The following PCDHGA8 variants were observed in gnomAD, a reference collection of about 807,000 sequenced individuals.
The protein encoded by PCDHGA8 is protocadherin gamma-A8.
In PCDHGA8, 45 loss-of-function variants were observed where a neutral mutation model predicts 59.2. The ratio of observed to expected loss-of-function variants is 0.76; its 90% CI spans 0.60 to 0.98. The LOEUF is 0.98. Ranked by LOEUF, PCDHGA8 falls within the 50% of genes least tolerant of loss-of-function variation. The pLI, the probability that PCDHGA8 is intolerant of heterozygous loss-of-function variation, is 0.00. For missense variants in PCDHGA8, 1,257 were observed against 1,196.2 expected (o/e 1.05, Z -0.75); for synonymous variants, 531 against 519.0 (o/e 1.02, Z -0.32).
At chr5:141,422,782 C>CG in intron 1 of PCDHGA8, 1 of 1,614,090 alleles carries the variant, frequency 6.2e-7, no homozygotes, top group South Asian at 1.1e-5. Context: ...CTATGCCCTA[C>CG]AATCCTTCGA....
chr5:141,395,233 G>T lies in PCDHGA8; in HGVS notation c.2420G>T (p.Gly807Val). The change falls in exon 1 of 4, where the codon GGT (glycine) becomes GTT (valine). Residue 807 changes from glycine to valine, a missense_variant. By Grantham distance (109) the Gly-to-Val change is moderately radical. Coordinates refer to ENST00000398604, the MANE Select transcript of PCDHGA8 (RefSeq NM_032088.2). The stretch of plus-strand genomic sequence containing the variant: ...GAATATAAGAATGAAGCTGATCATG[G>T]TCAGGTGAGTTTAGTTCTTTGCTTG... Reference protein sequence around the residue: ...FHEYKNEADHGQQAPPNTDWR... With the variant: ...FHEYKNEADHVQQAPPNTDWR... The T allele has an allele frequency of 6.2e-7, 1 of 1,602,052 alleles. No homozygotes were observed. Among genetic ancestry groups the T allele is most frequent in the Non-Finnish European group, 8.5e-7 (1 of 1,172,992 alleles).
chr5:141,438,627 T>C (rs55817844), intron 1 of PCDHGA8, among the ~76,000 whole-genome samples: 510 of 47,978 alleles, frequency 0.011, 3 homozygotes, highest in Admixed American at 0.017. Context: ...TATATATATA[T>C]ATATATATAC....
chr5:141,431,020 G>A lies in PCDHGA8; in HGVS notation c.2424+35783G>A, dbSNP rs941765907. On this transcript the variant is annotated intron_variant, in intron 1 of 3. Transcript: ENST00000398604. This position sits in a 1 kb window ranked among gnomAD's most constrained non-coding sequence, Gnocchi z 4.8. ...CGCGCAGCGGCAGCTTGGTCACGGC[G>A]GGCAGGATAGACCGGGAGGAGCTCT... The A allele has an allele frequency of 9.9e-6, 16 of 1,614,050 alleles. No homozygotes were observed. Among genetic ancestry groups the A allele is most frequent in the East Asian group, 4.5e-5 (2 of 44,886 alleles).
intron 1 of PCDHGA8, chr5:141,421,959 A>T: frequency 6.2e-7 from 1 of 1,612,798 alleles, no homozygotes; most frequent in Non-Finnish European, 8.5e-7. Flanking sequence ...CAATGTTTAC[A>T]CAGTCCGTAT....
intron 1 of PCDHGA8, chr5:141,410,295 T>G (rs1043971768): frequency 9.3e-6 from 15 of 1,613,864 alleles, no homozygotes; most frequent in Non-Finnish European, 1.3e-5. Context: ...GCCTTGGCCT[T>G]AATCTCAGTG....
chr5:141,470,972 C>T (rs1186771156), intron 1 of PCDHGA8, among the ~76,000 whole-genome samples: 3 of 151,988 alleles, frequency 2.0e-5, no homozygotes, highest in Non-Finnish European at 4.4e-5. Flanking sequence ...CCACCTCAGC[C>T]TCCCAAAGTG....
At chr5:141,414,102 A>G in intron 1 of PCDHGA8, 1 of 1,593,854 alleles carries the variant, frequency 6.3e-7, no homozygotes, top group Non-Finnish European at 8.5e-7. Context: ...AAATATCAGA[A>G]AATCTAGATT....
chr5:141,438,054 T>C (rs1451843979), intron 1 of PCDHGA8, among the ~76,000 whole-genome samples: 2 of 152,182 alleles, frequency 1.3e-5, no homozygotes, highest in African/African-American at 4.8e-5. Flanking sequence ...TTGAGTTCAC[T>C]TTTAAGAAAC....
rs1423149 is a variant in PCDHGA8, at chr5:141,487,780, C to G, written c.2425-7027C>G. ...TAGACGCTGTGCTTTGTAACTGTTTCGTGAATTAACCAGAGTTGTCACAGT... is the reference window on the plus strand; with the variant it reads ...TAGACGCTGTGCTTTGTAACTGTTTGGTGAATTAACCAGAGTTGTCACAGT... On this transcript the variant is annotated intron_variant, in intron 1 of 3. Transcript: ENST00000398604. This position sits in a 1 kb window ranked among gnomAD's most constrained non-coding sequence, Gnocchi z 5.0. 6.6e-7 allele frequency: 1 copy of G among 1,526,704 alleles called. No individual in the cohort carries two copies. The allele number at this position is 1,526,704 out of a possible 1,614,324, so 94.6% of individuals were successfully genotyped here. A position where few individuals can be genotyped will look rare whatever the true frequency, so the allele number is the denominator to read the frequency against.
In PCDHGA8 at chr5:141,511,330, T is replaced by C; in HGVS notation, c.*157T>C. 1 of 1,455,994 alleles carries C rather than the reference T, an allele frequency of 6.9e-7. No homozygotes were observed. The highest frequency in any genetic ancestry group is 9.1e-7 in the Non-Finnish European group (1 of 1,093,254). 90.2% of individuals were successfully genotyped at this position (1,455,994 alleles called of 1,614,324 possible). ...TTGGGAAACAGAAACAAGTGCCCAG[T>C]CAGCACCTACCCCTTCCCCCCCAGG... On this transcript the variant is annotated 3_prime_UTR_variant, in exon 4 of 4. Coordinates refer to ENST00000398604, the MANE Select transcript of PCDHGA8 (RefSeq NM_032088.2).
chr5:141,395,169 G>A lies in PCDHGA8; in HGVS notation c.2356G>A (p.Glu786Lys). Residue 786 changes from glutamate (E) to lysine (K), a missense_variant, in exon 1 of 4, where the codon GAG (glutamate) becomes AAG (lysine). Coordinates refer to ENST00000398604, the MANE Select transcript of PCDHGA8 (RefSeq NM_032088.2). ...CATGCTCATCAGTCAGGAGGGCTGT[G>A]AGAAAAATGATTCTTTGTTAACATC... ...ADMLISQEGC[E>K]KNDSLLTSVD... The A allele has an allele frequency of 1.9e-6, 3 of 1,614,020 alleles. No homozygotes were observed. Among genetic ancestry groups the A allele is most frequent in the Non-Finnish European group, 2.5e-6 (3 of 1,179,964 alleles).
In PCDHGA8 at chr5:141,486,671, C is replaced by A. The variant is rs1307620045; in HGVS notation, c.2425-8136C>A. On this transcript the variant is annotated intron_variant, in intron 1 of 3. Coordinates refer to ENST00000398604, the MANE Select transcript of PCDHGA8 (RefSeq NM_032088.2). The surrounding 1 kb of genome is among the most constrained non-coding windows in gnomAD (Gnocchi z 5.0). The stretch of plus-strand genomic sequence containing the variant: ...CTACTCACTCCTGGAGCCCAGGAAT[C>A]GAGATGTATCAGCTTCCTCTTTCAT... 1.9e-6 allele frequency: 3 copies of A among 1,614,044 alleles called. No individual in the cohort carries two copies. The highest frequency in any genetic ancestry group is 2.5e-6 in the Non-Finnish European group (3 of 1,180,014).
At chr5:141,503,555 C>T (rs1010409481) in intron 2 of PCDHGA8, among the ~76,000 whole-genome samples, 2 of 148,816 alleles carry the variant, frequency 1.3e-5, no homozygotes, top group African/African-American at 5.0e-5. Context: ...GCCGAGATCG[C>T]GCCACTGTAC....
rs201378410 is a variant in PCDHGA8, at chr5:141,414,802, G to T, written c.2424+19565G>T. Reference sequence around the variant, plus strand: ...GCAGGTGACAGCCAGCGACAGCGGGGATCCTCCACTCAGCAGCAACGTGTC... The same window carrying T: ...GCAGGTGACAGCCAGCGACAGCGGGTATCCTCCACTCAGCAGCAACGTGTC... On this transcript the variant is annotated intron_variant, in intron 1 of 3. Coordinates refer to ENST00000398604, the MANE Select transcript of PCDHGA8 (RefSeq NM_032088.2). The T allele has an allele frequency of 4.3e-6, 7 of 1,614,226 alleles. No homozygotes were observed. The African/African-American group carries it at 8.0e-5, about 18-fold the overall frequency.
chr5:141,499,233 C>A (rs1047984757), intron 2 of PCDHGA8, among the ~76,000 whole-genome samples: 2 of 152,116 alleles, frequency 1.3e-5, no homozygotes, highest in Non-Finnish European at 2.9e-5. Context: ...CAGCTGTCCC[C>A]AGCCTCTGCA....
rs115565444 is a variant in PCDHGA8, at chr5:141,487,520, G to A, written c.2425-7287G>A. On this transcript the variant is annotated intron_variant, in intron 1 of 3. Transcript: ENST00000398604. This position sits in a 1 kb window ranked among gnomAD's most constrained non-coding sequence, Gnocchi z 5.0. ...CTTGGCTTCTGCACCCACTCGGAGT[G>A]ATAGCTTCATGATGGTGAAGTCACC... is the stretch of plus-strand genomic sequence containing the variant. The A allele has an allele frequency of 3.3e-4, 540 of 1,614,166 alleles. 6 individuals carry two copies. The East Asian group carries it at 8.7e-3, about 26-fold the overall frequency.
chr5:141,487,067 G>C lies in PCDHGA8; in HGVS notation c.2425-7740G>C, dbSNP rs765539804. 3 of 1,614,048 alleles carry C rather than the reference G, an allele frequency of 1.9e-6. No individual in the cohort carries two copies. The highest frequency in any genetic ancestry group is 3.3e-5 in the Admixed American group (2 of 60,010). ...ATATGCTGGGGAGGTGCGGACGGCT[G>C]TTCCTATCCCAGCTGACCTCCCACC... On this transcript the variant is annotated intron_variant, in intron 1 of 3. Coordinates refer to ENST00000398604, the MANE Select transcript of PCDHGA8 (RefSeq NM_032088.2). The surrounding 1 kb of genome is among the most constrained non-coding windows in gnomAD (Gnocchi z 5.0).
Position 141,439,440 on chromosome 5 carries a change from A to T in PCDHGA8, c.2424+44203A>T, listed in dbSNP as rs147662506. 1.4e-3 allele frequency among the ~76,000 whole-genome samples: 212 copies of T among 152,330 alleles called. 1 individual carries two copies. The highest frequency in any genetic ancestry group is 4.8e-3 in the African/African-American group (198 of 41,576). On this transcript the variant is annotated intron_variant, in intron 1 of 3. Transcript: ENST00000398604. Reference sequence around the variant, plus strand: ...GGTTATAAATTCCCAGGAATATTTTATTGCGGGAGCAAGACTGCACTGCTG... The same window carrying T: ...GGTTATAAATTCCCAGGAATATTTTTTTGCGGGAGCAAGACTGCACTGCTG...
chr5:141,415,533 G>C lies in PCDHGA8; in HGVS notation c.2424+20296G>C, dbSNP rs749139053. On this transcript the variant is annotated intron_variant, in intron 1 of 3. Coordinates refer to ENST00000398604, the MANE Select transcript of PCDHGA8 (RefSeq NM_032088.2). ...ATTATGCGGACACGCTCATCAGCCA[G>C]GAGAGCTGTGAGAAAAACGATCCTT... is the stretch of plus-strand genomic sequence containing the variant. 1.4e-5 allele frequency: 22 copies of C among 1,614,080 alleles called. No individual in the cohort carries two copies. Among genetic ancestry groups the C allele is most frequent in the Non-Finnish European group, 1.9e-5 (22 of 1,180,042 alleles).
Sources: allele counts gnomAD v4.1 joint callset (sites outside exome capture counted in the v4.1 genomes callset), GRCh38; gene constraint gnomAD v4.1.1; non-coding constraint Gnocchi (gnomAD v3.1); transcripts MANE v1.5; gene names NCBI Gene and HGNC (gene_info 2026-07-23, HGNC 2026-07-21).